TEKT5: variants seen among roughly 807,000 people sequenced by gnomAD.
TEKT5 encodes the protein tektin 5, also known as tektin-5.
Under a neutral mutation model 48.7 loss-of-function variants are expected in TEKT5, and 52 were observed. The ratio of observed to expected loss-of-function variants is 1.07; its 90% CI spans 0.86 to 1.35. The LOEUF (loss-of-function observed/expected upper bound fraction) is 1.35, where lower values mean the gene tolerates loss of function less well. Ranked by LOEUF, TEKT5 falls within the 40% of genes most tolerant of loss-of-function variation. TEKT5 has a pLI of 0.00. For synonymous variants in TEKT5, 318 were observed against 267.6 expected (o/e 1.19, Z -1.84); for missense variants, 831 against 641.6 (o/e 1.30, Z -3.19).
rs143580705 is a variant in TEKT5 at position 10,643,034 on chromosome 16, C to A, written c.1087-7116G>T. Among the ~76,000 whole-genome samples the A allele has an allele frequency of 5.8e-3, 885 of 152,294 alleles. 5 individuals carry two copies. Among genetic ancestry groups the A allele is most frequent in the African/African-American group, 0.02 (839 of 41,562 alleles). ...TGACGGAAATGCAAGTTACCCTGATCACTACACATGGTGTGCGTCAAAACA... is the reference window on the plus strand; with the variant it reads ...TGACGGAAATGCAAGTTACCCTGATAACTACACATGGTGTGCGTCAAAACA... On this transcript the variant is annotated intron_variant, in intron 5 of 6. Coordinates refer to ENST00000283025, the MANE Select transcript of TEKT5 (RefSeq NM_144674.2).
intron 5 of TEKT5, among the ~76,000 whole-genome samples, chr16:10,658,506 G>A (rs889493882): frequency 6.6e-6 from 1 of 152,052 alleles, no homozygotes; most frequent in Non-Finnish European, 1.5e-5. Flanking sequence ...AGAACATACT[G>A]CATGATTCTA....
intron 5 of TEKT5, among the ~76,000 whole-genome samples, chr16:10,651,913 G>A (rs1415304660): frequency 6.6e-6 from 1 of 152,170 alleles, no homozygotes; most frequent in Non-Finnish European, 1.5e-5. Context: ...AGTGAGCCAA[G>A]ATGGCACTAC....
At position 10,647,429 on chromosome 16, in the gene TEKT5, G is replaced by A. The variant is rs578030158; in HGVS notation, c.1087-11511C>T. On this transcript the variant is annotated intron_variant, in intron 5 of 6. Transcript: ENST00000283025. ...CGAGGCTGCAGTGAGCTGTGATGAC[G>A]CCACTGCACCCCAGCCTGGGTGACA... 3.3e-5 allele frequency among the ~76,000 whole-genome samples: 5 copies of A among 150,466 alleles called. No individual in the cohort carries two copies. The South Asian group carries it at 8.4e-4, about 25-fold the overall frequency.
intron 5 of TEKT5, among the ~76,000 whole-genome samples, chr16:10,672,461 C>CG (rs893135569): frequency 6.6e-6 from 1 of 151,872 alleles, no homozygotes; most frequent in African/African-American, 2.4e-5. Context: ...GGCGTGATGG[C>CG]GGGGGGTGTC....
chr16:10,639,329 A>G (rs1205964384), intron 5 of TEKT5, among the ~76,000 whole-genome samples: 2 of 151,550 alleles, frequency 1.3e-5, no homozygotes, highest in Non-Finnish European at 2.9e-5. Context: ...AAAAACAAAA[A>G]ACCCAAACAG....
intron 3 of TEKT5, among the ~76,000 whole-genome samples, chr16:10,685,194 C>G (rs1421644594): frequency 6.6e-6 from 1 of 152,198 alleles, no homozygotes; most frequent in Non-Finnish European, 1.5e-5. Flanking sequence ...CTCTCATCCT[C>G]TTCCTCACTC....
chr16:10,682,389 G>A (rs975156300), intron 3 of TEKT5, among the ~76,000 whole-genome samples: 4 of 151,948 alleles, frequency 2.6e-5, no homozygotes, highest in East Asian at 1.9e-4. Context: ...GTGCAGTGGT[G>A]CAGTCATGGC....
intron 5 of TEKT5, among the ~76,000 whole-genome samples, chr16:10,653,183 G>T (rs1163109565): frequency 6.6e-6 from 1 of 152,216 alleles, no homozygotes; most frequent in Non-Finnish European, 1.5e-5. Context: ...TGGCTCAGGG[G>T]GTCACCCCAT....
intron 1 of TEKT5, 40 bp from the exon 2 acceptor site, chr16:10,690,065 T>C: frequency 6.2e-7 from 1 of 1,604,514 alleles, no homozygotes; most frequent in Non-Finnish European, 8.5e-7. Flanking sequence ...TTCCTGTAGC[T>C]GTATGTAGAC....
At chr16:10,639,687 G>A (rs975350134) in intron 5 of TEKT5, among the ~76,000 whole-genome samples, 1 of 152,218 alleles carries the variant, frequency 6.6e-6, no homozygotes, top group African/African-American at 2.4e-5. Context: ...TTGTTTCCAA[G>A]AAGCCTCATC....
At chr16:10,629,412 A>G (rs1897804277) in intron 6 of TEKT5, among the ~76,000 whole-genome samples, 1 of 151,974 alleles carries the variant, frequency 6.6e-6, no homozygotes, top group South Asian at 2.1e-4. Context: ...CGCCACACCC[A>G]GCTAATTTTT....
chr16:10,684,209 T>A (rs1898812931), intron 3 of TEKT5, among the ~76,000 whole-genome samples: 1 of 152,196 alleles, frequency 6.6e-6, no homozygotes, highest in Non-Finnish European at 1.5e-5. Flanking sequence ...GTAACTTCCA[T>A]TAAGTGAGGG....
chr16:10,693,320 C>T (rs1426512326), intron 1 of TEKT5, among the ~76,000 whole-genome samples: 9 of 152,176 alleles, frequency 5.9e-5, no homozygotes, highest in Admixed American at 1.3e-4. Flanking sequence ...GTCTCAAACT[C>T]CTGACCTCAG....
intron 3 of TEKT5, among the ~76,000 whole-genome samples, chr16:10,686,860 AAAG>A (rs1175716178): frequency 6.6e-6 from 1 of 152,256 alleles, no homozygotes; most frequent in Non-Finnish European, 1.5e-5. Context: ...ATGAATGGAT[AAAG>A]AAAAGGTGGC....
chr16:10,643,773 C>T (rs58283601), intron 5 of TEKT5, among the ~76,000 whole-genome samples: 7,704 of 152,206 alleles, frequency 0.051, 224 homozygotes, highest in African/African-American at 0.082. Flanking sequence ...CGGGGTGGCT[C>T]ACGCCTGTTT....
chr16:10,685,376 T>C (rs1898845162), intron 3 of TEKT5, among the ~76,000 whole-genome samples: 1 of 152,198 alleles, frequency 6.6e-6, no homozygotes, highest in Non-Finnish European at 1.5e-5. Context: ...CTTGGCTCAC[T>C]ACAACCTCCG....
Position 10,650,149 on chromosome 16 carries a change from G to A in TEKT5, c.1087-14231C>T, listed in dbSNP as rs188754726. 3.2e-3 allele frequency among the ~76,000 whole-genome samples: 493 copies of A among 152,146 alleles called. 2 individuals are homozygous for A. The highest frequency in any genetic ancestry group is 5.1e-3 in the Non-Finnish European group (346 of 68,012). ...TGCAGTGGCGCAATCTCGGCTCACT[G>A]CAACCTCCGCTTCCTGGGTTCAAGC... On this transcript the variant is annotated intron_variant, in intron 5 of 6. Transcript: ENST00000283025.
In TEKT5 at chr16:10,681,991, A is replaced by T; in HGVS notation, c.863+2T>A. ...GATGGGGAGGGGGAGTCTGATACTTACGTGCCGTCAATTTTCTCCATGCCG... is the reference window on the plus strand; with the variant it reads ...GATGGGGAGGGGGAGTCTGATACTTTCGTGCCGTCAATTTTCTCCATGCCG... On this transcript the variant is annotated splice_donor_variant, in intron 4 of 6. Coordinates refer to ENST00000283025, the MANE Select transcript of TEKT5 (RefSeq NM_144674.2). LOFTEE classifies it high-confidence loss of function. 6.2e-7 allele frequency: 1 copy of T among 1,613,824 alleles called. No individual in the cohort carries two copies. Among genetic ancestry groups the T allele is most frequent in the Non-Finnish European group, 8.5e-7 (1 of 1,179,790 alleles).
At chr16:10,681,682 T>C (rs1260926637) in intron 4 of TEKT5, among the ~76,000 whole-genome samples, 1 of 151,468 alleles carries the variant, frequency 6.6e-6, no homozygotes, top group Non-Finnish European at 1.5e-5. Context: ...CTTCCTGAAA[T>C]TTGGATCTTG....
Sources: allele counts gnomAD v4.1 joint callset (sites outside exome capture counted in the v4.1 genomes callset), GRCh38; gene constraint gnomAD v4.1.1; transcripts MANE v1.5; gene names NCBI Gene and HGNC (gene_info 2026-07-23, HGNC 2026-07-21).